Variants in GABPB1 observed in about 807,000 individuals in gnomAD.
The protein encoded by GABPB1 is GA-binding protein subunit beta-1.
Under a neutral mutation model 45.9 loss-of-function variants are expected in GABPB1, and 15 were observed. The ratio of observed to expected loss-of-function variants is 0.33; its 90% CI spans 0.22 to 0.50. The LOEUF (loss-of-function observed/expected upper bound fraction) is 0.50. Among genes scored for constraint, GABPB1 ranks in the 20% least tolerant of loss-of-function variants. The pLI is 0.98. For missense variants in GABPB1, 252 were observed against 457.5 expected, an observed-to-expected ratio of 0.55 and a Z score of 4.10; for synonymous variants, 143 against 154.4, an observed-to-expected ratio of 0.93 and a Z score of 0.55.
In GABPB1 at chr15:50,335,567, C is replaced by T. The variant is rs1221360611; in HGVS notation, c.-1+19418G>A. On this transcript the variant is annotated intron_variant, in intron 1 of 8. Transcript: ENST00000380877. The stretch of plus-strand genomic sequence containing the variant: ...TCTTCAAAGCTACTAAGGTAATGTT[C>T]TATATATTTTATCCAACATTTTCAA... 2.0e-5 allele frequency among the ~76,000 whole-genome samples: 3 copies of T among 152,086 alleles called. No homozygotes were observed. In the South Asian group the frequency reaches 6.2e-4, roughly 32 times the overall value.
intron 1 of GABPB1, among the ~76,000 whole-genome samples, chr15:50,313,785 G>A (rs1385808147): frequency 6.6e-6 from 1 of 151,988 alleles, no homozygotes; most frequent in Admixed American, 6.6e-5. Context: ...GTTTAGGATG[G>A]TATGATTATG....
intron 8 of GABPB1, among the ~76,000 whole-genome samples, chr15:50,281,398 A>G (rs181176815): frequency 3.3e-5 from 5 of 152,224 alleles, no homozygotes; most frequent in South Asian, 2.1e-4. Context: ...TTTTTAGTAG[A>G]GACGGGGTTT....
intron 8 of GABPB1, among the ~76,000 whole-genome samples, chr15:50,285,697 T>C (rs976970658): frequency 6.6e-6 from 1 of 152,136 alleles, no homozygotes; most frequent in Admixed American, 6.6e-5. Context: ...CAATTAGGCA[T>C]TTGAGTTTCA....
chr15:50,282,202 A>T, intron 8 of GABPB1: 1 of 434,718 alleles, frequency 2.3e-6, no homozygotes, highest in South Asian at 1.6e-5. Flanking sequence ...CCTGTCTCAA[A>T]AAATAAATAA....
At chr15:50,282,027 T>C (rs1004699136) in intron 8 of GABPB1, among the ~76,000 whole-genome samples, 11 of 151,948 alleles carry the variant, frequency 7.2e-5, no homozygotes, top group African/African-American at 2.7e-4. Context: ...CAAAACCTTA[T>C]CTCTACAAAA....
At chr15:50,290,281 T>C (rs1243062508) in intron 6 of GABPB1, among the ~76,000 whole-genome samples, 1 of 152,194 alleles carries the variant, frequency 6.6e-6, no homozygotes, top group African/African-American at 2.4e-5. Context: ...ACAAAGGTTA[T>C]ATCTGTTTCG....
chr15:50,289,785 T>G, intron 6 of GABPB1, 117 bp from the exon 7 acceptor site: 1 of 782,496 alleles, frequency 1.3e-6, no homozygotes, highest in African/African-American at 1.8e-5. Flanking sequence ...TTTTCTTTTT[T>G]AAATAGAGAT....
chr15:50,321,505 C>T (rs374220420), intron 1 of GABPB1, among the ~76,000 whole-genome samples: 4 of 152,076 alleles, frequency 2.6e-5, no homozygotes, highest in Non-Finnish European at 4.4e-5. Context: ...GTAAAAGATG[C>T]GGCAACCCTT....
chr15:50,314,330 C>G (rs1321457775), intron 1 of GABPB1: 2 of 152,398 alleles, frequency 1.3e-5, no homozygotes, highest in Non-Finnish European at 2.9e-5. Flanking sequence ...AGTACAGGCG[C>G]CAGCCACCAC....
In GABPB1 at chr15:50,301,330, A is replaced by G. The variant is rs146967487; in HGVS notation, c.510T>C (p.Ser170=). The G allele has an allele frequency of 4.0e-4, 653 of 1,613,746 alleles. 1 individual carries two copies. Among genetic ancestry groups the G allele is most frequent in the Non-Finnish European group, 4.0e-4 (476 of 1,179,948 alleles). Residue 170 remains serine, a synonymous_variant, in exon 5 of 9, where the codon AGT becomes AGC. Transcript: ENST00000380877. ...CAGCATGTATTGTCACAGTGTCAGGACTCTCTGGGTTTGTGTTGATTTGGT... is the reference window on the plus strand; with the variant it reads ...CAGCATGTATTGTCACAGTGTCAGGGCTCTCTGGGTTTGTGTTGATTTGGT... The part of the protein sequence containing the change: ...MQNQINTNPE[S]PDTVTIHAAT...
chr15:50,314,551 C>G (rs893731157), intron 1 of GABPB1: 7 of 152,210 alleles, frequency 4.6e-5, no homozygotes, highest in Non-Finnish European at 1.0e-4. Flanking sequence ...AGCACTGCCC[C>G]CTTCAGGGCC....
At chr15:50,305,567 T>C (rs1049487284) in intron 2 of GABPB1, among the ~76,000 whole-genome samples, 3 of 152,170 alleles carry the variant, frequency 2.0e-5, no homozygotes, top group South Asian at 2.1e-4. Flanking sequence ...AAGAAGATCC[T>C]TAAACAATCC....
chr15:50,285,867 C>A, intron 8 of GABPB1: 2 of 1,349,676 alleles, frequency 1.5e-6, no homozygotes, highest in African/African-American at 1.5e-5. Flanking sequence ...TAAACAAATT[C>A]TTCACTCACT....
intron 1 of GABPB1, among the ~76,000 whole-genome samples, chr15:50,322,163 T>C (rs2047594898): frequency 6.6e-6 from 1 of 151,066 alleles, no homozygotes; most frequent in Non-Finnish European, 1.5e-5. Flanking sequence ...GCAATAATAT[T>C]ACAAAGCAAA....
intron 1 of GABPB1, among the ~76,000 whole-genome samples, chr15:50,333,986 C>T (rs1022552175): frequency 1.3e-5 from 2 of 148,404 alleles, no homozygotes; most frequent in African/African-American, 2.5e-5. Flanking sequence ...GCCCAGATTG[C>T]ACCATTGCAC....
chr15:50,291,040 G>A (rs1411566000), intron 6 of GABPB1, among the ~76,000 whole-genome samples: 1 of 152,114 alleles, frequency 6.6e-6, no homozygotes, highest in Non-Finnish European at 1.5e-5. Context: ...AATTAACAAT[G>A]GTAGAGTCAA....
intron 1 of GABPB1, chr15:50,354,114 G>GCT (rs1245547322): frequency 3.3e-6 from 1 of 302,848 alleles, no homozygotes; most frequent in Non-Finnish European, 6.5e-6. Flanking sequence ...GCACCCTTGA[G>GCT]GCTAGGCACG....
rs575280667 is a variant in GABPB1 at position 50,324,540 on chromosome 15, C to CTTT, written c.1-14745_1-14743dup. Among the ~76,000 whole-genome samples the CTTT allele has an allele frequency of 1.2e-3, 135 of 114,184 alleles. 1 individual carries two copies. The highest frequency in any genetic ancestry group is 2.0e-3 in the East Asian group (7 of 3,460). 74.9% of individuals were successfully genotyped at this position (114,184 alleles called of 152,430 possible). ...CTGAATGCTCCCAATGTCTCCGTGG[C>CTTT]TTTTTTTTTTTTTTTTTTTTTTGAG... On this transcript the variant is annotated intron_variant, in intron 1 of 8. Transcript: ENST00000380877.
In GABPB1 at chr15:50,275,454, C is replaced by A. The variant is rs183302516; in HGVS notation, c.*3178G>T. ...TCTCTGGCTTGCAATGGGGTTATGTCCTGATAAACCCATCCTAAGTCAAAA... is the reference window on the plus strand; with the variant it reads ...TCTCTGGCTTGCAATGGGGTTATGTACTGATAAACCCATCCTAAGTCAAAA... On this transcript the variant is annotated 3_prime_UTR_variant, in exon 9 of 9. Coordinates refer to ENST00000380877, the MANE Select transcript of GABPB1 (RefSeq NM_016654.5). 11 of 152,254 alleles carry A rather than the reference C, an allele frequency of 7.2e-5. No individual in the cohort carries two copies. The highest frequency in any genetic ancestry group is 1.3e-4 in the Non-Finnish European group (9 of 68,012). The allele number at this position is 152,254 out of a possible 1,614,324, so 9.4% of individuals were successfully genotyped here.
Sources: gnomAD v4.1 joint callset for allele counts (sites outside exome capture counted in the v4.1 genomes callset) on GRCh38, gnomAD v4.1.1 for gene constraint, MANE v1.5 for transcripts, NCBI Gene and HGNC (gene_info 2026-07-23, HGNC 2026-07-21) for gene names.